NEK10: variants seen among roughly 807,000 people sequenced by gnomAD.
The protein encoded by NEK10 is NIMA related kinase 10.
In NEK10, 122 loss-of-function variants were observed where a neutral mutation model predicts 159.8. The observed-to-expected ratio is 0.76, with a 90% CI of 0.66 to 0.89. The LOEUF (loss-of-function observed/expected upper bound fraction) is 0.89. Ranked by LOEUF, NEK10 falls within the 40% of genes least tolerant of loss-of-function variation. NEK10 has a pLI of 0.00. For synonymous variants in NEK10, 466 were observed against 457.1 expected, an observed-to-expected ratio of 1.02 and a Z score of -0.25; for missense variants, 1,342 against 1,323.1, an observed-to-expected ratio of 1.01 and a Z score of -0.22.
At chr3:27,153,133 A>T (rs571374165) in intron 30 of NEK10, among the ~76,000 whole-genome samples, 9 of 152,260 alleles carry the variant, frequency 5.9e-5, no homozygotes, top group African/African-American at 2.2e-4. Context: ...ATCCTGGCTA[A>T]CATGGTGAAA....
intron 23 of NEK10, chr3:27,206,530 C>G: frequency 2.2e-6 from 2 of 928,758 alleles, no homozygotes; most frequent in African/African-American, 1.8e-5. Flanking sequence ...CCTTCAGTGG[C>G]TTCCTCCTTC....
chr3:27,314,598 C>T (rs931075710), intron 6 of NEK10, among the ~76,000 whole-genome samples: 1 of 152,158 alleles, frequency 6.6e-6, no homozygotes, highest in African/African-American at 2.4e-5. Context: ...TTCTTCTTAA[C>T]TCCTCCTGTG....
intron 32 of NEK10, 53 bp downstream of exon 32, chr3:27,131,827 T>C: frequency 2.1e-6 from 2 of 952,638 alleles, no homozygotes; most frequent in Non-Finnish European, 3.3e-6. Flanking sequence ...AAAATGTACC[T>C]CTTATGATGT....
intron 23 of NEK10, among the ~76,000 whole-genome samples, chr3:27,232,231 C>T (rs1442723332): frequency 6.6e-6 from 1 of 151,740 alleles, no homozygotes; most frequent in Non-Finnish European, 1.5e-5. Flanking sequence ...AATACATAAT[C>T]AATGTACACA....
chr3:27,173,726 A>G (rs1347434663), intron 28 of NEK10, among the ~76,000 whole-genome samples: 1 of 152,136 alleles, frequency 6.6e-6, no homozygotes, highest in Non-Finnish European at 1.5e-5. Context: ...ATTTCTATCT[A>G]TGGTTTTTAA....
chr3:27,180,445 GGGGAA>G (rs1244936495), intron 26 of NEK10, among the ~76,000 whole-genome samples: 52 of 150,840 alleles, frequency 3.4e-4, no homozygotes, highest in African/African-American at 1.0e-3. Flanking sequence ...GGGGAAGGGA[GGGGAA>G]GGGAAGGGAA....
At chr3:27,338,127 G>A (rs78111593) in intron 5 of NEK10, among the ~76,000 whole-genome samples, 51 of 152,046 alleles carry the variant, frequency 3.4e-4, no homozygotes, top group African/African-American at 8.0e-4. Context: ...GTGATCTTCC[G>A]CTCCCTGTGT....
intron 6 of NEK10, among the ~76,000 whole-genome samples, chr3:27,317,980 T>C (rs1308074661): frequency 3.3e-5 from 5 of 152,048 alleles, no homozygotes; most frequent in Non-Finnish European, 7.4e-5. Context: ...TTTTTTCTAT[T>C]TTTTAGTAGA....
intron 22 of NEK10, among the ~76,000 whole-genome samples, chr3:27,263,893 C>T (rs1189223828): frequency 3.3e-5 from 5 of 151,906 alleles, no homozygotes; most frequent in Non-Finnish European, 5.9e-5. Flanking sequence ...AGAAGTCACC[C>T]GTCTTCTGCG....
At chr3:27,217,288 A>C (rs747458613) in intron 23 of NEK10, among the ~76,000 whole-genome samples, 3 of 152,202 alleles carry the variant, frequency 2.0e-5, no homozygotes, top group Non-Finnish European at 4.4e-5. Flanking sequence ...CTATAAAGAA[A>C]TCCCTGAGAC....
At chr3:27,147,602 T>C (rs1272772044) in intron 30 of NEK10, among the ~76,000 whole-genome samples, 2 of 152,264 alleles carry the variant, frequency 1.3e-5, no homozygotes, top group African/African-American at 4.8e-5. Context: ...TCTTGAATTC[T>C]GGCTGAGCCT....
At chr3:27,325,531 C>T (rs1365966533) in intron 5 of NEK10, among the ~76,000 whole-genome samples, 1 of 152,086 alleles carries the variant, frequency 6.6e-6, no homozygotes, top group African/African-American at 2.4e-5. Context: ...AACTCTGCCC[C>T]CAAACCAGCA....
intron 23 of NEK10, among the ~76,000 whole-genome samples, chr3:27,220,870 A>T (rs1267601658): frequency 2.0e-5 from 3 of 152,200 alleles, no homozygotes; most frequent in Non-Finnish European, 2.9e-5. Flanking sequence ...AATAAACCTT[A>T]TATATATGGT....
intron 29 of NEK10, among the ~76,000 whole-genome samples, chr3:27,167,741 G>A (rs1018124535): frequency 6.6e-6 from 1 of 152,108 alleles, no homozygotes; most frequent in Non-Finnish European, 1.5e-5. Context: ...AGAAATTGGG[G>A]CTTATTCCTC....
At chr3:27,146,665 T>G (rs775650569) in intron 30 of NEK10, among the ~76,000 whole-genome samples, 5 of 152,214 alleles carry the variant, frequency 3.3e-5, no homozygotes, top group Non-Finnish European at 7.4e-5. Flanking sequence ...AGATGAAGAA[T>G]CTTGAACTCA....
At chr3:27,271,421 C>A (rs933773437) in intron 22 of NEK10, among the ~76,000 whole-genome samples, 3 of 152,168 alleles carry the variant, frequency 2.0e-5, no homozygotes, top group Admixed American at 2.0e-4. Flanking sequence ...AGGGAGCCCA[C>A]TATAATTTTA....
chr3:27,200,731 G>T (rs959385885), intron 25 of NEK10, among the ~76,000 whole-genome samples: 1 of 152,312 alleles, frequency 6.6e-6, no homozygotes, highest in Admixed American at 6.5e-5. Context: ...AGGCAAGGAG[G>T]TTAGAGAGTA....
intron 23 of NEK10, chr3:27,214,976 C>A: frequency 1.4e-6 from 1 of 714,164 alleles, no homozygotes; most frequent in East Asian, 2.6e-5. Context: ...ACGACCACAT[C>A]CGCCAGGCAC....
chr3:27,363,524 T>C (rs1013688089), intron 1 of NEK10, among the ~76,000 whole-genome samples: 3 of 152,162 alleles, frequency 2.0e-5, no homozygotes, highest in Admixed American at 6.5e-5. Flanking sequence ...ATGATGTAGA[T>C]ATGGAGAGTA....
Sources: gnomAD v4.1 joint callset for allele counts (sites outside exome capture counted in the v4.1 genomes callset) on GRCh38, gnomAD v4.1.1 for gene constraint, MANE v1.5 for transcripts, NCBI Gene and HGNC (gene_info 2026-07-23, HGNC 2026-07-21) for gene names.